PAX5: variants seen among roughly 807,000 people sequenced by gnomAD.
PAX5 encodes paired box protein Pax-5.
Under a neutral mutation model 43.7 loss-of-function variants are expected in PAX5, and 9 were observed. The ratio of observed to expected loss-of-function variants is 0.21; its 90% CI spans 0.12 to 0.36. The LOEUF is 0.36. Ranked by LOEUF, PAX5 falls within the 10% of genes least tolerant of loss-of-function variation. PAX5 has a pLI of 1.00. For synonymous variants in PAX5, 228 were observed against 214.3 expected, an observed-to-expected ratio of 1.06 and a Z score of -0.56; for missense variants, 383 against 532.7, an observed-to-expected ratio of 0.72 and a Z score of 2.77.
intron 6 of PAX5, among the ~76,000 whole-genome samples, chr9:36,933,659 C>A (rs1409729095): frequency 6.6e-6 from 1 of 152,224 alleles, no homozygotes; most frequent in Non-Finnish European, 1.5e-5. Flanking sequence ...CACCCACTAT[C>A]CTCCTCCAGC....
chr9:36,940,464 A>G (rs1247902119), intron 6 of PAX5, among the ~76,000 whole-genome samples: 2 of 152,158 alleles, frequency 1.3e-5, no homozygotes, highest in African/African-American at 4.8e-5. Context: ...GGAAATGGGC[A>G]CTGTAATTTT....
chr9:36,899,132 C>T (rs963759468), intron 7 of PAX5, among the ~76,000 whole-genome samples: 1 of 152,214 alleles, frequency 6.6e-6, no homozygotes, highest in Non-Finnish European at 1.5e-5. Context: ...TCCCCCAACT[C>T]GCCTCCATGC....
At position 36,833,477 on chromosome 9, in the gene PAX5, A is replaced by G; in HGVS notation, c.*7083T>C. ...TAAAATAAAGGTGTTGCAGTCAACC[A>G]TTTAACTTAAAAGGAAGCCACAAAT... On this transcript the variant is annotated 3_prime_UTR_variant, in exon 10 of 10. Coordinates refer to ENST00000358127, the MANE Select transcript of PAX5 (RefSeq NM_016734.3). The G allele has an allele frequency of 4.3e-6, 1 of 233,212 alleles. No homozygotes were observed. Among genetic ancestry groups the G allele is most frequent in the Non-Finnish European group, 8.5e-6 (1 of 118,032 alleles). The allele number at this position is 233,212 out of a possible 1,614,324, so 14.4% of individuals were successfully genotyped here.
chr9:36,854,385 T>C (rs1043199010), intron 8 of PAX5, among the ~76,000 whole-genome samples: 1 of 152,188 alleles, frequency 6.6e-6, no homozygotes, highest in Admixed American at 6.5e-5. Context: ...CGTAATAATA[T>C]GTATAATATT....
intron 8 of PAX5, among the ~76,000 whole-genome samples, chr9:36,875,847 C>T (rs2131729553): frequency 6.6e-6 from 1 of 152,290 alleles, no homozygotes; most frequent in Non-Finnish European, 1.5e-5. Context: ...AAATCATTCC[C>T]TCCTAGCACC....
At chr9:36,930,808 G>A (rs1204305331) in intron 6 of PAX5, 2 of 1,295,002 alleles carry the variant, frequency 1.5e-6, no homozygotes, top group East Asian at 9.8e-5. Context: ...AGAGGTTCAG[G>A]AATTCTAGCA....
intron 6 of PAX5, among the ~76,000 whole-genome samples, chr9:36,960,133 G>A (rs1833834564): frequency 6.6e-6 from 1 of 152,216 alleles, no homozygotes; most frequent in Non-Finnish European, 1.5e-5. Context: ...GCCTCACAGG[G>A]CAGGCAGGAC....
At chr9:36,848,321 C>T (rs900943547) in intron 8 of PAX5, among the ~76,000 whole-genome samples, 2 of 143,978 alleles carry the variant, frequency 1.4e-5, no homozygotes, top group African/African-American at 2.7e-5. Context: ...TGGCTTCCCC[C>T]GCACCTCACA....
chr9:36,921,475 C>A (rs1031666793), intron 7 of PAX5, among the ~76,000 whole-genome samples: 29 of 152,310 alleles, frequency 1.9e-4, no homozygotes, highest in Middle Eastern at 3.4e-3. Context: ...GCCAGCAGCA[C>A]GGGCCCTGGC....
At chr9:36,881,972 C>T (rs1266921797) in intron 8 of PAX5, 32 bp downstream of exon 8, 6 of 1,541,356 alleles carry the variant, frequency 3.9e-6, no homozygotes, top group Non-Finnish European at 4.4e-6. Context: ...CGTCCGCTGC[C>T]TGCTGTGGAG....
At chr9:36,986,219 G>A (rs1836398829) in intron 5 of PAX5, among the ~76,000 whole-genome samples, 1 of 151,432 alleles carries the variant, frequency 6.6e-6, no homozygotes, top group Non-Finnish European at 1.5e-5. Flanking sequence ...TCTCAGCGGG[G>A]CCCCGGCAAA....
intron 7 of PAX5, among the ~76,000 whole-genome samples, chr9:36,892,064 A>T (rs748393011): frequency 6.6e-6 from 1 of 152,224 alleles, no homozygotes; most frequent in Non-Finnish European, 1.5e-5. Context: ...CACATGTATG[A>T]CACCAGCCCC....
chr9:36,874,583 C>T (rs1372864791), intron 8 of PAX5, among the ~76,000 whole-genome samples: 1 of 152,238 alleles, frequency 6.6e-6, no homozygotes, highest in Non-Finnish European at 1.5e-5. Flanking sequence ...CACATGGTTC[C>T]CAGCCCAGCT....
intron 6 of PAX5, among the ~76,000 whole-genome samples, chr9:36,931,362 A>G (rs1186295971): frequency 1.3e-5 from 2 of 152,152 alleles, no homozygotes; most frequent in South Asian, 4.1e-4. Context: ...GTCTCCTTCC[A>G]CTGCTGATGC....
At chr9:36,974,016 A>G (rs1386459458) in intron 5 of PAX5, among the ~76,000 whole-genome samples, 1 of 151,942 alleles carries the variant, frequency 6.6e-6, no homozygotes, top group African/African-American at 2.4e-5. Flanking sequence ...AATAATAATA[A>G]TAAAATTTAA....
chr9:36,887,045 T>A (rs987075408), intron 7 of PAX5, among the ~76,000 whole-genome samples: 1 of 152,180 alleles, frequency 6.6e-6, no homozygotes, highest in Admixed American at 6.5e-5. Context: ...ATGAGGAAAC[T>A]GAGGCTCAGG....
intron 2 of PAX5, among the ~76,000 whole-genome samples, chr9:37,017,695 C>A (rs1442461506): frequency 6.6e-6 from 1 of 152,226 alleles, no homozygotes; most frequent in Non-Finnish European, 1.5e-5. Flanking sequence ...CAGCCTGGCC[C>A]CCACTTACAT....
intron 5 of PAX5, among the ~76,000 whole-genome samples, chr9:37,000,736 G>A (rs1270157333): frequency 6.6e-6 from 1 of 152,144 alleles, no homozygotes; most frequent in Admixed American, 6.5e-5. Flanking sequence ...ACCTCCCGAG[G>A]CATCTCCTTT....
intron 6 of PAX5, among the ~76,000 whole-genome samples, chr9:36,925,285 C>T (rs759080947): frequency 6.6e-6 from 1 of 152,154 alleles, no homozygotes; most frequent in Non-Finnish European, 1.5e-5. Context: ...CTCTTTGATC[C>T]TCATTCATCA....
Sources: allele counts gnomAD v4.1 joint callset (sites outside exome capture counted in the v4.1 genomes callset), GRCh38; gene constraint gnomAD v4.1.1; transcripts MANE v1.5; gene names NCBI Gene and HGNC (gene_info 2026-07-23, HGNC 2026-07-21).